Variants in PINX1 observed in about 807,000 individuals in gnomAD.
The protein encoded by PINX1 is PIN2/TERF1-interacting telomerase inhibitor 1.
Under a neutral mutation model 25.4 loss-of-function variants are expected in PINX1, and 34 were observed. The ratio of observed to expected loss-of-function variants is 1.34; its 90% CI spans 1.02 to 1.78. PINX1 has a LOEUF of 1.78. PINX1 is among the 40% of genes most tolerant of loss of function. The probability of loss-of-function intolerance (pLI) is 0.00; values close to 1 mark genes in which losing one functional copy is unlikely to be tolerated. For synonymous variants in PINX1, 197 were observed against 147.7 expected, an observed-to-expected ratio of 1.33 and a Z score of -2.42; for missense variants, 592 against 404.9, an observed-to-expected ratio of 1.46 and a Z score of -3.97.
chr8:10,768,457 G>C (rs1801126350), intron 6 of PINX1, among the ~76,000 whole-genome samples: 1 of 152,330 alleles, frequency 6.6e-6, no homozygotes, highest in East Asian at 1.9e-4. Flanking sequence ...CGTAACTCCA[G>C]AAAGTAAGTA....
At chr8:10,819,530 T>C (rs1797801464) in intron 6 of PINX1, among the ~76,000 whole-genome samples, 1 of 152,212 alleles carries the variant, frequency 6.6e-6, no homozygotes, top group Non-Finnish European at 1.5e-5. Context: ...TCTCAAACTA[T>C]ATCCAGGGCT....
rs55663914 is a variant in PINX1 at position 10,805,543 on chromosome 8, G to A, written c.471+14650C>T. Among the ~76,000 whole-genome samples, 197 of 104,804 alleles carry A rather than the reference G, an allele frequency of 1.9e-3. 5 individuals carry two copies. Among genetic ancestry groups the A allele is most frequent in the Middle Eastern group, 5.6e-3 (1 of 178 alleles). The allele number at this position is 104,804 out of a possible 152,430, so 68.8% of individuals were successfully genotyped here. ...GGCCACACTAGTGCTGAGGGAGGAGGCAGAGCACAGGAAGGGGCCACACTA... is the reference window on the plus strand; with the variant it reads ...GGCCACACTAGTGCTGAGGGAGGAGACAGAGCACAGGAAGGGGCCACACTA... On this transcript the variant is annotated intron_variant, in intron 6 of 6. Transcript: ENST00000314787.
chr8:10,838,559 A>G (rs1798475236), intron 1 of PINX1, among the ~76,000 whole-genome samples: 1 of 152,258 alleles, frequency 6.6e-6, no homozygotes, highest in African/African-American at 2.4e-5. Context: ...GACATAAATG[A>G]ATAGCAGAAC....
intron 6 of PINX1, among the ~76,000 whole-genome samples, chr8:10,809,552 C>A (rs1400110630): frequency 6.6e-6 from 1 of 152,200 alleles, no homozygotes; most frequent in Non-Finnish European, 1.5e-5. Context: ...CTATTCACAC[C>A]AAAGTCACTC....
intron 6 of PINX1, among the ~76,000 whole-genome samples, chr8:10,769,606 C>T (rs1257005196): frequency 6.6e-6 from 1 of 152,198 alleles, no homozygotes; most frequent in Non-Finnish European, 1.5e-5. Context: ...CTATCACCAC[C>T]GTGCCAGGCA....
chr8:10,773,174 T>A (rs1467607133), intron 6 of PINX1, among the ~76,000 whole-genome samples: 2 of 152,178 alleles, frequency 1.3e-5, no homozygotes, highest in African/African-American at 4.8e-5. Flanking sequence ...ACGGCTGACT[T>A]TTGGAAGTGG....
chr8:10,791,352 C>T (rs982925050), intron 6 of PINX1, among the ~76,000 whole-genome samples: 3 of 152,328 alleles, frequency 2.0e-5, no homozygotes, highest in South Asian at 2.1e-4. Context: ...CGTCCCTCCT[C>T]GGTGGAAGCA....
intron 6 of PINX1, among the ~76,000 whole-genome samples, chr8:10,768,138 G>C (rs111604089): frequency 2.0e-5 from 3 of 150,410 alleles, no homozygotes; most frequent in African/African-American, 7.4e-5. Flanking sequence ...CGGTGACCAG[G>C]CACCCTCACA....
chr8:10,787,858 C>G (rs1364616253), intron 6 of PINX1: 1 of 455,656 alleles, frequency 2.2e-6, no homozygotes, highest in South Asian at 1.6e-5. Context: ...GAATGAGAAC[C>G]TATTGGTTAA....
At chr8:10,788,145 A>G (rs1050449596) in intron 6 of PINX1, among the ~76,000 whole-genome samples, 14 of 152,178 alleles carry the variant, frequency 9.2e-5, no homozygotes, top group Admixed American at 9.2e-4. Flanking sequence ...GTGGGAGTAC[A>G]GCTGGAATGA....
chr8:10,814,437 A>G (rs1797632082), intron 6 of PINX1, among the ~76,000 whole-genome samples: 1 of 152,244 alleles, frequency 6.6e-6, no homozygotes. Flanking sequence ...AGCAGTAGGA[A>G]TGCTTTATCT....
intron 4 of PINX1, 95 bp downstream of exon 4, chr8:10,831,570 G>A (rs1187270120): frequency 8.0e-6 from 6 of 752,872 alleles, no homozygotes; most frequent in Non-Finnish European, 1.4e-5. Flanking sequence ...CAATAAATAT[G>A]TATAATTATG....
chr8:10,797,413 G>C (rs188630968), intron 6 of PINX1, among the ~76,000 whole-genome samples: 1 of 152,238 alleles, frequency 6.6e-6, no homozygotes, highest in Non-Finnish European at 1.5e-5. Flanking sequence ...TGCTAGCAGA[G>C]CCTCAAACAG....
chr8:10,806,495 G>T (rs1227608281), intron 6 of PINX1, among the ~76,000 whole-genome samples: 1 of 152,176 alleles, frequency 6.6e-6, no homozygotes, highest in African/African-American at 2.4e-5. Flanking sequence ...CACATGTATT[G>T]AGAGGAAACA....
chr8:10,765,871 T>G lies in PINX1; in HGVS notation c.517A>C (p.Thr173Pro), dbSNP rs754026759. 4 of 1,613,952 alleles carry G rather than the reference T, an allele frequency of 2.5e-6. No individual in the cohort carries two copies. Among genetic ancestry groups the G allele is most frequent in the Non-Finnish European group, 3.4e-6 (4 of 1,179,896 alleles). The change falls in exon 7 of 7, where the codon ACC becomes CCC. Residue 173 changes from threonine to proline, a missense_variant. Coordinates refer to ENST00000314787, the MANE Select transcript of PINX1 (RefSeq NM_017884.6). ...TACTCCTGGATGGTGAAGGCGCTGG[T>G]TGTCGTGGTTTCGTTCTCCTCTGGA... The part of the protein sequence containing the change: ...STPEENETTT[T>P]SAFTIQEYFA...
intron 6 of PINX1, among the ~76,000 whole-genome samples, chr8:10,806,482 C>G (rs75836742): frequency 1.3e-5 from 2 of 152,080 alleles, no homozygotes; most frequent in Admixed American, 6.5e-5. Context: ...TTCCCACCCC[C>G]CTCACATGTA....
At chr8:10,834,173 G>C (rs985601957) in intron 2 of PINX1, among the ~76,000 whole-genome samples, 9 of 152,198 alleles carry the variant, frequency 5.9e-5, no homozygotes, top group Non-Finnish European at 1.2e-4. Context: ...AACAAATTTA[G>C]GAGTGGCAAG....
In PINX1 at chr8:10,817,554, C is replaced by T. The variant is rs369440157; in HGVS notation, c.471+2639G>A. On this transcript the variant is annotated intron_variant, in intron 6 of 6. Coordinates refer to ENST00000314787, the MANE Select transcript of PINX1 (RefSeq NM_017884.6). ...GGTCATTTTGCTTTATAGAAAGATA[C>T]TCTGTTTGTCTTAAATGTGATTACA... Among the ~76,000 whole-genome samples the T allele has an allele frequency of 1.2e-3, 177 of 152,290 alleles. 3 individuals carry two copies. The South Asian group carries it at 0.033, about 28-fold the overall frequency.
chr8:10,820,835 G>T (rs189574136), intron 5 of PINX1, among the ~76,000 whole-genome samples: 1 of 152,100 alleles, frequency 6.6e-6, no homozygotes, highest in African/African-American at 2.4e-5. Flanking sequence ...AGGGTGACAG[G>T]GTTTCAGATT....
Sources: gnomAD v4.1 joint callset for allele counts (sites outside exome capture counted in the v4.1 genomes callset) on GRCh38, gnomAD v4.1.1 for gene constraint, MANE v1.5 for transcripts, NCBI Gene and HGNC (gene_info 2026-07-23, HGNC 2026-07-21) for gene names.